ROBO2: variants seen among roughly 807,000 people sequenced by gnomAD.
ROBO2 encodes the protein roundabout homolog 2.
In ROBO2, 53 loss-of-function variants were observed where a neutral mutation model predicts 160.8. That is an observed-to-expected ratio of 0.33 (90% CI 0.26 to 0.41). The LOEUF (loss-of-function observed/expected upper bound fraction) is 0.41. Among genes scored for constraint, ROBO2 ranks in the 10% least tolerant of loss-of-function variants. ROBO2 has a pLI of 1.00. For synonymous variants in ROBO2, 664 were observed against 611.7 expected (o/e 1.09, Z -1.26); for missense variants, 1,577 against 1,722.4 (o/e 0.92, Z 1.49).
intron 2 of ROBO2, among the ~76,000 whole-genome samples, chr3:76,691,222 A>G (rs967965823): frequency 2.0e-5 from 3 of 152,068 alleles, no homozygotes; most frequent in Non-Finnish European, 4.4e-5. Flanking sequence ...CAATTTTTCT[A>G]TCTCTGTTTT....
intron 2 of ROBO2, among the ~76,000 whole-genome samples, chr3:77,126,029 A>G (rs115741860): frequency 0.019 from 2,843 of 152,316 alleles, 71 homozygotes; most frequent in African/African-American, 0.063. Flanking sequence ...ACCCTAAATG[A>G]CAAAGTAAAT....
At chr3:76,610,912 G>A (rs1022920826) in intron 2 of ROBO2, among the ~76,000 whole-genome samples, 1 of 152,320 alleles carries the variant, frequency 6.6e-6, no homozygotes, top group East Asian at 1.9e-4. Context: ...TAAGGTGCGT[G>A]GACACTGGAG....
At chr3:75,929,608 A>G (rs1009803103) in intron 1 of ROBO2, among the ~76,000 whole-genome samples, 9 of 151,894 alleles carry the variant, frequency 5.9e-5, no homozygotes, top group Non-Finnish European at 7.4e-5. Context: ...TGCAAATTGT[A>G]CTGTTCCTTT....
chr3:75,917,656 G>A (rs1353345859), intron 1 of ROBO2, among the ~76,000 whole-genome samples: 1 of 152,172 alleles, frequency 6.6e-6, no homozygotes, highest in Non-Finnish European at 1.5e-5. Flanking sequence ...GCCACCAGTG[G>A]TGTAAAAGTG....
Position 76,943,843 on chromosome 3 carries a change from C to A in ROBO2, c.110-154171C>A, listed in dbSNP as rs115293753. Among the ~76,000 whole-genome samples, 256 of 152,270 alleles carry A rather than the reference C, an allele frequency of 1.7e-3. 1 individual carries two copies. Among genetic ancestry groups the A allele is most frequent in the African/African-American group, 5.2e-3 (217 of 41,560 alleles). ...GGTGATAGATATACTGTGTCATTTACTCTTCAGAGGAATCTGGAGAACAGG... is the reference window on the plus strand; with the variant it reads ...GGTGATAGATATACTGTGTCATTTAATCTTCAGAGGAATCTGGAGAACAGG... On this transcript the variant is annotated intron_variant, in intron 2 of 26. Transcript: ENST00000487694.
At chr3:76,361,997 G>A (rs2075550528) in intron 2 of ROBO2, among the ~76,000 whole-genome samples, 1 of 151,996 alleles carries the variant, frequency 6.6e-6, no homozygotes, top group African/African-American at 2.4e-5. Context: ...TTAAAGTCTT[G>A]GAGTGATTTA....
At position 77,044,963 on chromosome 3, in the gene ROBO2, C is replaced by CT. The variant is rs374085910; in HGVS notation, c.61+4126dup. On this transcript the variant is annotated intron_variant, in intron 1 of 25. Coordinates refer to ENST00000461745, the Ensembl canonical transcript of ROBO2. ...ATATTGCTTTTCTCCTTCTTCTCTT[C>CT]TTTTTTTTTCCATGTGTGCCTTTAT... Among the ~76,000 whole-genome samples, 51 of 151,444 alleles carry CT rather than the reference C, an allele frequency of 3.4e-4. 1 individual carries two copies. The highest frequency in any genetic ancestry group is 3.4e-3 in the Middle Eastern group (1 of 292).
chr3:76,146,775 T>C (rs2071912968), intron 2 of ROBO2, among the ~76,000 whole-genome samples: 2 of 97,068 alleles, frequency 2.1e-5, no homozygotes, highest in South Asian at 4.6e-4. Context: ...TAGAATTCTA[T>C]CATTACCACA....
intron 2 of ROBO2, among the ~76,000 whole-genome samples, chr3:76,667,130 T>C (rs933200263): frequency 3.9e-4 from 59 of 152,070 alleles, no homozygotes; most frequent in Non-Finnish European, 1.2e-4. Context: ...CTTAATAGCA[T>C]AAAAACGTCC....
chr3:77,576,453 G>T (rs1210992621), intron 14 of ROBO2, among the ~76,000 whole-genome samples: 1 of 152,048 alleles, frequency 6.6e-6, no homozygotes, highest in African/African-American at 2.4e-5. Context: ...CAAATTATTT[G>T]ATATTTTAAA....
intron 2 of ROBO2, among the ~76,000 whole-genome samples, chr3:76,323,472 T>C (rs1356381992): frequency 1.3e-5 from 2 of 152,184 alleles, no homozygotes; most frequent in Non-Finnish European, 1.5e-5. Context: ...AGTACTAATA[T>C]CACATCTGGT....
At chr3:77,407,223 G>A (rs547167359) in intron 2 of ROBO2, among the ~76,000 whole-genome samples, 1 of 152,166 alleles carries the variant, frequency 6.6e-6, no homozygotes, top group Non-Finnish European at 1.5e-5. Flanking sequence ...ATGGTGCAGG[G>A]ACATCTAGAA....
At chr3:77,562,119 TTC>T (rs2093340865) in intron 9 of ROBO2, among the ~76,000 whole-genome samples, 1 of 152,006 alleles carries the variant, frequency 6.6e-6, no homozygotes, top group African/African-American at 2.4e-5. Context: ...AAAAAAAAAG[TTC>T]TTTTTCTTCT....
At chr3:77,575,625 T>C (rs1366173632) in intron 14 of ROBO2, among the ~76,000 whole-genome samples, 1 of 152,066 alleles carries the variant, frequency 6.6e-6, no homozygotes, top group Non-Finnish European at 1.5e-5. Context: ...GGGGCAAAAA[T>C]GCATATTCAA....
intron 2 of ROBO2, among the ~76,000 whole-genome samples, chr3:76,545,775 T>G (rs2083063477): frequency 6.6e-6 from 1 of 151,962 alleles, no homozygotes; most frequent in African/African-American, 2.4e-5. Flanking sequence ...TGTAGTTTTA[T>G]TCTAAATTTT....
At chr3:76,700,266 T>G (rs2093020142) in intron 2 of ROBO2, among the ~76,000 whole-genome samples, 1 of 152,172 alleles carries the variant, frequency 6.6e-6, no homozygotes, top group Admixed American at 6.6e-5. Context: ...ATTACAACTG[T>G]GACTCTAGTC....
intron 2 of ROBO2, among the ~76,000 whole-genome samples, chr3:77,168,410 T>C (rs1056509081): frequency 3.3e-5 from 5 of 152,202 alleles, no homozygotes; most frequent in African/African-American, 1.2e-4. Context: ...TGCCTACTCA[T>C]ATTTGTCAAG....
intron 2 of ROBO2, chr3:76,434,746 A>G (rs2076590378): frequency 8.8e-7 from 1 of 1,137,720 alleles, no homozygotes; most frequent in Admixed American, 1.7e-5. Context: ...TGAGGCTCAG[A>G]TGAGTCCGCT....
At chr3:75,967,022 A>G (rs1476181513) in intron 2 of ROBO2, among the ~76,000 whole-genome samples, 3 of 151,626 alleles carry the variant, frequency 2.0e-5, no homozygotes, top group Admixed American at 1.3e-4. Context: ...ATGTGTATTT[A>G]TTAATATGTT....
Sources: allele counts gnomAD v4.1 joint callset (sites outside exome capture counted in the v4.1 genomes callset), GRCh38; gene constraint gnomAD v4.1.1; transcripts MANE v1.5; gene names NCBI Gene and HGNC (gene_info 2026-07-23, HGNC 2026-07-21).